CCDC120: variants seen among roughly 807,000 people sequenced by gnomAD.
The protein encoded by CCDC120 is coiled-coil domain containing 120.
In CCDC120, 16 loss-of-function variants were observed where a neutral mutation model predicts 37.6. The ratio of observed to expected loss-of-function variants is 0.43; its 90% CI spans 0.29 to 0.65. The LOEUF (loss-of-function observed/expected upper bound fraction) is 0.65. Among genes scored for constraint, CCDC120 ranks in the 30% least tolerant of loss-of-function variants. The probability of loss-of-function intolerance (pLI) is 0.18; values close to 1 mark genes in which losing one functional copy is unlikely to be tolerated. For synonymous variants in CCDC120, 309 were observed against 275.4 expected (o/e 1.12, Z -1.21); for missense variants, 650 against 657.4 (o/e 0.99, Z 0.12).
At position 49,067,383 on chromosome X, in the gene CCDC120, C is replaced by T; in HGVS notation, c.1269C>T (p.Pro423=). Residue 423 remains proline, a synonymous_variant, in exon 10 of 11, where the codon CCC becomes CCT. Coordinates refer to ENST00000603986, the MANE Select transcript of CCDC120 (RefSeq NM_001163321.4). ...PAPLAPSASG[P]PVCKSSEVLY... ...CTCTGGCTCCCTCTGCCTCTGGCCC[C>T]CCAGTCTGCAAGAGCAGTGAGGTGC... 4 of 1,197,568 alleles carry T rather than the reference C, an allele frequency of 3.3e-6. No homozygotes were observed. The highest frequency in any genetic ancestry group is 3.0e-5 in the East Asian group (1 of 33,224).
At position 49,062,722 on chromosome X, in the gene CCDC120, C is replaced by T. The variant is rs1313775967; in HGVS notation, c.288+121C>T. The T allele has an allele frequency of 8.3e-6, 6 of 720,364 alleles. No homozygotes were observed. The African/African-American group carries it at 1.1e-4, about 13-fold the overall frequency. The allele number at this position is 720,364 out of a possible 1,213,427, so 59.4% of individuals were successfully genotyped here. On this transcript the variant is annotated intron_variant, in intron 4 of 10. Transcript: ENST00000603986. Reference sequence around the variant, plus strand: ...ACCACTTGTCTTGGCTGTAGATTCCCTGTCACCTACTTTCTCCTCAAAGCT... The same window carrying T: ...ACCACTTGTCTTGGCTGTAGATTCCTTGTCACCTACTTTCTCCTCAAAGCT...
At chrX:49,054,898 C>T (rs1001342996), upstream of CCDC120, among the ~76,000 whole-genome samples, 4 of 111,398 alleles carry the variant, frequency 3.6e-5, no homozygotes, top group Admixed American at 2.9e-4. Context: ...TGCCCCTCCA[C>T]CCTGTTCAGA....
At chrX:49,060,584 G>C (rs1052078612) in intron 1 of CCDC120, among the ~76,000 whole-genome samples, 1 of 110,526 alleles carries the variant, frequency 9.0e-6, no homozygotes, top group African/African-American at 3.3e-5. Flanking sequence ...AGTTCCTTGG[G>C]CCTAAATGGG....
At chrX:49,063,791 G>A in intron 4 of CCDC120, 70 bp from the exon 5 acceptor site, 1 of 1,098,964 alleles carries the variant, frequency 9.1e-7, no homozygotes, top group Non-Finnish European at 1.2e-6. Context: ...TGTAGCTTCT[G>A]GGATCATTAA....
At chrX:49,065,229 C>A in intron 7 of CCDC120, 131 bp downstream of exon 7, 1 of 753,314 alleles carries the variant, frequency 1.3e-6, no homozygotes, top group Non-Finnish European at 2.0e-6. Flanking sequence ...GCTGCTTCAG[C>A]TTCTCCTTAG....
At chrX:49,066,010 G>C (rs782263679) in intron 9 of CCDC120, among the ~76,000 whole-genome samples, 165 bp downstream of exon 9, 2 of 111,989 alleles carry the variant, frequency 1.8e-5, no homozygotes, top group Non-Finnish European at 3.8e-5. Context: ...GTTACTTGAG[G>C]TCAGGGGTTC....
upstream of CCDC120, among the ~76,000 whole-genome samples, chrX:49,054,275 G>C (rs1465739507): frequency 9.0e-6 from 1 of 110,971 alleles, no homozygotes; most frequent in Admixed American, 9.6e-5. Flanking sequence ...CTGTCCTGAC[G>C]CTTGACCTGT....
In CCDC120 at chrX:49,068,551, G is replaced by T. The variant is rs960602031; in HGVS notation, c.1984G>T (p.Ala662Ser). The T allele has an allele frequency of 7.9e-6, 9 of 1,138,551 alleles. No homozygotes were observed. The African/African-American group carries it at 1.5e-4, about 19-fold the overall frequency. 93.8% of individuals were successfully genotyped at this position (1,138,551 alleles called of 1,213,427 possible). Residue 662 changes from alanine (A) to serine (S), a missense_variant, in exon 11 of 11, where the codon GCG (alanine) becomes TCG (serine). Coordinates refer to ENST00000603986, the MANE Select transcript of CCDC120 (RefSeq NM_001163321.4). Reference sequence around the variant, plus strand: ...CTGCTACCCCTTCTAAAGATACTACGCGGACTTCCTGTATCCCCCGGAGCT... The same window carrying T: ...CTGCTACCCCTTCTAAAGATACTACTCGGACTTCCTGTATCCCCCGGAGCT... ...TAPPVSGRYY[A>S]DFLYPPELSA...
chrX:49,065,796 G>T lies in CCDC120; in HGVS notation c.1012G>T (p.Val338Leu), dbSNP rs1557081041. The part of the protein sequence containing the change: ...RSASSFEGRS[V>L]PATPVLTRGA... Reference sequence around the variant, plus strand: ...TGCCTCCAGTTTTGAGGGGCGAAGTGTGCCTGCCACCCCTGTCCTCACCCG... The same window carrying T: ...TGCCTCCAGTTTTGAGGGGCGAAGTTTGCCTGCCACCCCTGTCCTCACCCG... The change falls in exon 9 of 11, where the codon GTG becomes TTG. Residue 338 changes from valine (V) to leucine (L), a missense_variant. Val to Leu is a conservative substitution (Grantham distance 32). Transcript: ENST00000603986. The T allele has an allele frequency of 8.5e-7, 1 of 1,170,788 alleles. No individual in the cohort carries two copies. Among genetic ancestry groups the T allele is most frequent in the East Asian group, 3.2e-5 (1 of 31,008 alleles).
At chrX:49,066,879 G>A (rs1424791283) in intron 9 of CCDC120, 12 of 286,135 alleles carry the variant, frequency 4.2e-5, no homozygotes, top group African/African-American at 8.3e-5. Context: ...CCCCCTGCCC[G>A]GCATCTACTC....
rs782161666 is a variant in CCDC120 at position 49,067,233 on chromosome X, C to A, written c.1119C>A (p.Phe373Leu). 6.6e-6 allele frequency: 8 copies of A among 1,209,612 alleles called. No individual in the cohort carries two copies. Among genetic ancestry groups the A allele is most frequent in the East Asian group, 3.0e-5 (1 of 33,731 alleles). The change falls in exon 10 of 11, where the codon TTC becomes TTA. Residue 373 changes from phenylalanine to leucine, a missense_variant. Around this residue, in one of 3 missense-constraint regions of CCDC120, gnomAD observed 576 missense variants for 565.3 expected, o/e 1.02. Transcript: ENST00000603986. ...GCAGCCAGGACTCCCAGATGGGCTT[C>A]CCCCGGGCGGACCCTGCCTCCGATC... is the stretch of plus-strand genomic sequence containing the variant. ...WSGSQDSQMG[F>L]PRADPASDRA...
Position 49,065,487 on chromosome X carries a change from G to A in CCDC120, c.821G>A (p.Arg274His), listed in dbSNP as rs141665638. Reference sequence around the variant, plus strand: ...CATGGCTGCTTCTCTCTGGCCGAGCGCCCCTCACCACCCAAGGCTTGGGAC... The same window carrying A: ...CATGGCTGCTTCTCTCTGGCCGAGCACCCCTCACCACCCAAGGCTTGGGAC... ...EPHGCFSLAE[R>H]PSPPKAWDQL... Residue 274 changes from arginine to histidine, a missense_variant, in exon 8 of 11, where the codon CGC becomes CAC. Arg to His is a conservative substitution (Grantham distance 29). Transcript: ENST00000603986. 58 of 1,201,694 alleles carry A rather than the reference G, an allele frequency of 4.8e-5. No homozygotes were observed. The highest frequency in any genetic ancestry group is 6.3e-5 in the Non-Finnish European group (56 of 892,202).
intron 5 of CCDC120, 125 bp from the exon 6 acceptor site, chrX:49,064,245 C>T: frequency 2.4e-6 from 2 of 840,135 alleles, no homozygotes; most frequent in Non-Finnish European, 1.6e-6. Flanking sequence ...GAGGCCCTGA[C>T]ACGCCCCCTC....
Position 49,068,010 on chromosome X carries a change from G to A in CCDC120, c.1896G>A (p.Val632=), listed in dbSNP as rs1557082114. The change falls in exon 10 of 11, where the codon GTG becomes GTA. Residue 632 remains valine, a synonymous_variant. Coordinates refer to ENST00000603986, the MANE Select transcript of CCDC120 (RefSeq NM_001163321.4). ...PPFLHARCYE[V]GQALYGAPSQ... is the part of the protein sequence containing the mutation. ...TCCTCCATGCCCGCTGCTATGAGGT[G>A]GGCCAGGCGCTGTACGGGGCCCCCA... The A allele has an allele frequency of 8.6e-7, 1 of 1,164,770 alleles. No individual in the cohort carries two copies. The highest frequency in any genetic ancestry group is 1.8e-5 in the African/African-American group (1 of 56,423).
At position 49,067,322 on chromosome X, in the gene CCDC120, G is replaced by A. The variant is rs377420395; in HGVS notation, c.1208G>A (p.Arg403Gln). 4.6e-5 allele frequency: 55 copies of A among 1,206,568 alleles called. No homozygotes were observed. Among genetic ancestry groups the A allele is most frequent in the Admixed American group, 1.3e-4 (6 of 45,629 alleles). The change falls in exon 10 of 11, where the codon CGG becomes CAG. Residue 403 changes from arginine to glutamine, a missense_variant. By Grantham distance (43) the Arg-to-Gln change is conservative (BLOSUM62 1). This residue lies in a region of CCDC120 where 576 missense variants were observed against 565.3 expected (regional missense o/e 1.02). Coordinates refer to ENST00000603986, the MANE Select transcript of CCDC120 (RefSeq NM_001163321.4). Reference protein sequence around the residue: ...SNSSEALLVDRAAGGGAGSPP... With the variant: ...SNSSEALLVDQAAGGGAGSPP... The stretch of plus-strand genomic sequence containing the variant: ...AGTTCTGAGGCCCTGCTGGTGGACC[G>A]GGCCGCTGGTGGGGGAGCTGGCTCC...
In CCDC120 at chrX:49,066,896, C is replaced by G. The variant is rs782207609; in HGVS notation, c.1062-280C>G. 1.1e-4 allele frequency: 37 copies of G among 332,834 alleles called. No individual in the cohort carries two copies. The East Asian group carries it at 1.6e-3, about 14-fold the overall frequency. 27.4% of individuals were successfully genotyped at this position (332,834 alleles called of 1,213,427 possible). On this transcript the variant is annotated intron_variant, in intron 9 of 10. Coordinates refer to ENST00000603986, the MANE Select transcript of CCDC120 (RefSeq NM_001163321.4). Reference sequence around the variant, plus strand: ...CCCTGCCCGGCATCTACTCTGCTAGCCTTTCCTCTGAGTCCCTACACAGAT... The same window carrying G: ...CCCTGCCCGGCATCTACTCTGCTAGGCTTTCCTCTGAGTCCCTACACAGAT...
At chrX:49,055,828 T>C (rs1162394852), upstream of CCDC120, among the ~76,000 whole-genome samples, 2 of 112,325 alleles carry the variant, frequency 1.8e-5, no homozygotes, top group Non-Finnish European at 3.8e-5. Flanking sequence ...TTTCCCAATC[T>C]ATTTGGTACC....
In CCDC120 at chrX:49,060,674, G is replaced by A. The variant is rs1039935862; in HGVS notation, c.-83-1285G>A. Among the ~76,000 whole-genome samples, 5 of 110,690 alleles carry A rather than the reference G, an allele frequency of 4.5e-5. No individual in the cohort carries two copies. The Admixed American group carries it at 4.8e-4, about 11-fold the overall frequency. ...CTGGGAAGTGTCAGACCTTAGATGA[G>A]TGGGGATGTGGGGCCTGGGTTTGTC... On this transcript the variant is annotated intron_variant, in intron 1 of 10. Coordinates refer to ENST00000603986, the MANE Select transcript of CCDC120 (RefSeq NM_001163321.4).
intron 6 of CCDC120, 118 bp downstream of exon 6, chrX:49,064,782 C>A: frequency 1.1e-6 from 1 of 883,711 alleles, no homozygotes; most frequent in Non-Finnish European, 1.6e-6. Context: ...TGGCCCAACC[C>A]GTGAGAAGAG....
Sources: allele counts gnomAD v4.1 joint callset (sites outside exome capture counted in the v4.1 genomes callset), GRCh38; gene constraint gnomAD v4.1.1; regional missense constraint gnomAD v4.1.1; transcripts MANE v1.5; gene names NCBI Gene and HGNC (gene_info 2026-07-23, HGNC 2026-07-21).